ZNF608: variants seen among roughly 807,000 people sequenced by gnomAD.
ZNF608 encodes the protein zinc finger protein 608.
In ZNF608, 12 loss-of-function variants were observed where a neutral mutation model predicts 109.0. That is an observed-to-expected ratio of 0.11 (90% CI 0.07 to 0.18). ZNF608 has a LOEUF of 0.18. Ranked by LOEUF, ZNF608 falls within the 10% of genes least tolerant of loss-of-function variation. The probability of loss-of-function intolerance (pLI) is 1.00; values close to 1 mark genes in which losing one functional copy is unlikely to be tolerated. For missense variants in ZNF608, 1,707 were observed against 1,879.3 expected, an observed-to-expected ratio of 0.91 and a Z score of 1.70; for synonymous variants, 732 against 717.4, an observed-to-expected ratio of 1.02 and a Z score of -0.33.
intron 2 of ZNF608, among the ~76,000 whole-genome samples, chr5:124,727,924 A>G (rs2149888339): frequency 6.6e-6 from 1 of 152,150 alleles, no homozygotes; most frequent in South Asian, 2.1e-4. Context: ...TTTTTAGTAG[A>G]GACAGGGTTT....
chr5:124,726,912 A>G (rs1395119338), intron 2 of ZNF608, among the ~76,000 whole-genome samples: 1 of 152,228 alleles, frequency 6.6e-6, no homozygotes, highest in South Asian at 2.1e-4. Context: ...ACAAAAAAAA[A>G]GTGCAAACAT....
intron 3 of ZNF608, among the ~76,000 whole-genome samples, chr5:124,673,566 CT>C (rs143413927): frequency 0.31 from 46,752 of 151,378 alleles, 8,072 homozygotes; most frequent in African/African-American, 0.47. Context: ...AGCTTTTCAT[CT>C]TTTTTTTTGT....
chr5:124,676,443 GCAGA>G (rs1751949940), intron 3 of ZNF608, among the ~76,000 whole-genome samples: 2 of 152,194 alleles, frequency 1.3e-5, no homozygotes, highest in South Asian at 4.1e-4. Flanking sequence ...GCTATTAAGA[GCAGA>G]CAAACAAAGC....
chr5:124,652,489 T>C (rs979307088), intron 3 of ZNF608, among the ~76,000 whole-genome samples: 1 of 152,228 alleles, frequency 6.6e-6, no homozygotes, highest in African/African-American at 2.4e-5. Context: ...TACGAGCCGC[T>C]TCACAATGCC....
At chr5:124,652,914 T>C (rs935348839) in intron 3 of ZNF608, among the ~76,000 whole-genome samples, 2 of 152,260 alleles carry the variant, frequency 1.3e-5, no homozygotes, top group African/African-American at 2.4e-5. Flanking sequence ...TGTACACTTA[T>C]TCCAGAAAGA....
At position 124,670,813 on chromosome 5, in the gene ZNF608, G is replaced by A. The variant is rs531307487; in HGVS notation, c.1163-21116C>T. 1.6e-4 allele frequency among the ~76,000 whole-genome samples: 24 copies of A among 152,338 alleles called. 2 individuals carry two copies. The South Asian group carries it at 4.8e-3, about 30-fold the overall frequency. On this transcript the variant is annotated intron_variant, in intron 3 of 9. Coordinates refer to ENST00000513986, the MANE Select transcript of ZNF608 (RefSeq NM_020747.3). ...AACAATTCAGCAAAAAGTGACAGCA[G>A]AGCAACCACTGGGTCAGCCCTTATA...
intron 3 of ZNF608, among the ~76,000 whole-genome samples, chr5:124,698,519 C>T (rs1266792152): frequency 6.6e-6 from 1 of 152,178 alleles, no homozygotes; most frequent in Non-Finnish European, 1.5e-5. Flanking sequence ...CTGCCAACAG[C>T]CTGAAAACCT....
Position 124,697,224 on chromosome 5 carries a change from C to CA in ZNF608, c.1162+3789dup, listed in dbSNP as rs5871099. 3.3e-3 allele frequency among the ~76,000 whole-genome samples: 371 copies of CA among 111,592 alleles called. 2 individuals are homozygous for CA. Among genetic ancestry groups the CA allele is most frequent in the Admixed American group, 7.3e-3 (83 of 11,318 alleles). The allele number at this position is 111,592 out of a possible 152,430, so 73.2% of individuals were successfully genotyped here. On this transcript the variant is annotated intron_variant, in intron 3 of 9. Transcript: ENST00000513986. Reference sequence around the variant, plus strand: ...AACCAAGTATGTTCTCAGGTAAGGCCAAAAAAAAAAAAAAAAGCCAATAAG... The same window carrying CA: ...AACCAAGTATGTTCTCAGGTAAGGCCAAAAAAAAAAAAAAAAAGCCAATAAG...
At chr5:124,709,661 A>G (rs1239460926) in intron 2 of ZNF608, among the ~76,000 whole-genome samples, 1 of 152,208 alleles carries the variant, frequency 6.6e-6, no homozygotes, top group African/African-American at 2.4e-5. Flanking sequence ...AATCTGTTTC[A>G]AAAGTGCCGC....
Position 124,644,559 on chromosome 5 carries a change from T to G in ZNF608, c.3808A>C (p.Ser1270Arg). 6.2e-7 allele frequency: 1 copy of G among 1,614,138 alleles called. No homozygotes were observed. Among genetic ancestry groups the G allele is most frequent in the Non-Finnish European group, 8.5e-7 (1 of 1,180,010 alleles). Residue 1270 changes from serine (S) to arginine (R), a missense_variant, in exon 6 of 10, where the codon AGT (serine) becomes CGT (arginine). By Grantham distance (110) the Ser-to-Arg change is moderately radical. This residue lies in a region of ZNF608 where 1,073 missense variants were observed against 1,133.5 expected (regional missense o/e 0.95). Coordinates refer to ENST00000513986, the MANE Select transcript of ZNF608 (RefSeq NM_020747.3). ...LDREKKLKEDSPRKTPNKESG... is the reference protein window; with the variant it reads ...LDREKKLKEDRPRKTPNKESG... ...TCTTTATTAGGAGTTTTCCTCGGAC[T>G]ATCCTCTTTTAATTTCTTCTCTCTA...
chr5:124,652,213 C>T (rs1053492536), intron 3 of ZNF608, among the ~76,000 whole-genome samples: 3 of 152,246 alleles, frequency 2.0e-5, no homozygotes, highest in Non-Finnish European at 2.9e-5. Context: ...ACATCTCCTG[C>T]TGCTCTTTCT....
intron 2 of ZNF608, among the ~76,000 whole-genome samples, chr5:124,723,124 C>G (rs1754000753): frequency 6.6e-6 from 1 of 151,652 alleles, no homozygotes; most frequent in Non-Finnish European, 1.5e-5. Flanking sequence ...TCCGCCTCCC[C>G]AGTTCAAGCA....
chr5:124,727,669 A>AT (rs1211361716), intron 2 of ZNF608, among the ~76,000 whole-genome samples: 3 of 149,310 alleles, frequency 2.0e-5, no homozygotes, highest in African/African-American at 7.3e-5. Flanking sequence ...AAAAAAAAAA[A>AT]ACCACACACA....
At position 124,637,812 on chromosome 5, in the gene ZNF608, A is replaced by G; in HGVS notation, c.*88T>C. ...ACTGGTTTTTGCCTGCCATTAAGGC[A>G]TTTCAAATTAACACCATGGAACTGA... On this transcript the variant is annotated 3_prime_UTR_variant, in exon 10 of 10. Transcript: ENST00000513986. 1 of 1,419,124 alleles carries G rather than the reference A, an allele frequency of 7.0e-7. No individual in the cohort carries two copies. Among genetic ancestry groups the G allele is most frequent in the Non-Finnish European group, 9.7e-7 (1 of 1,029,454 alleles). The allele number at this position is 1,419,124 out of a possible 1,614,324, so 87.9% of individuals were successfully genotyped here.
At chr5:124,743,970 C>T (rs1432308386) in intron 2 of ZNF608, 114 bp downstream of exon 2, 1 of 1,432,598 alleles carries the variant, frequency 7.0e-7, no homozygotes, top group Non-Finnish European at 9.3e-7. Context: ...TCATAGAAAT[C>T]TCACAAAGAA....
rs78663347 is a variant in ZNF608 at position 124,645,689 on chromosome 5, G to A, written c.3705+990C>T. ...GTGCTAGTACATTTGTGGTTTCGTG[G>A]TGACCAATTTTCAGGTGTTCTCAAG... On this transcript the variant is annotated intron_variant, in intron 5 of 9. Transcript: ENST00000513986. 5.0e-3 allele frequency among the ~76,000 whole-genome samples: 761 copies of A among 152,222 alleles called. 2 individuals carry two copies. The highest frequency in any genetic ancestry group is 0.014 in the Middle Eastern group (4 of 294).
rs184079143 is a variant in ZNF608, at chr5:124,641,206, T to A, written c.4450+46A>T. ...TGAAATGCAATTTTAGCAACTGTTT[T>A]CCAAAGCAGAATGGACAAAGACACA... On this transcript the variant is annotated intron_variant, in intron 8 of 9. Coordinates refer to ENST00000513986, the MANE Select transcript of ZNF608 (RefSeq NM_020747.3). 6 of 1,611,084 alleles carry A rather than the reference T, an allele frequency of 3.7e-6. No homozygotes were observed. The East Asian group carries it at 1.3e-4, about 36-fold the overall frequency.
In ZNF608 at chr5:124,649,143, C is replaced by A; in HGVS notation, c.1251-10G>T. ...CGGTGACTCACAAAACCTATGGAAG[C>A]AAGTAACAGATGTGAAAATGAGCAT... On this transcript the variant is annotated splice_polypyrimidine_tract_variant and intron_variant, in intron 4 of 9. Coordinates refer to ENST00000513986, the MANE Select transcript of ZNF608 (RefSeq NM_020747.3). 6.5e-7 allele frequency: 1 copy of A among 1,540,128 alleles called. No homozygotes were observed. The highest frequency in any genetic ancestry group is 8.7e-7 in the Non-Finnish European group (1 of 1,148,314).
At chr5:124,657,453 A>G (rs180697095) in intron 3 of ZNF608, among the ~76,000 whole-genome samples, 112 of 152,264 alleles carry the variant, frequency 7.4e-4, no homozygotes, top group African/African-American at 2.7e-3. Context: ...CGAGGTCAGG[A>G]GATCGAGACC....
Sources: gnomAD v4.1 joint callset for allele counts (sites outside exome capture counted in the v4.1 genomes callset) on GRCh38, gnomAD v4.1.1 for gene constraint, gnomAD v4.1.1 regional missense constraint, MANE v1.5 for transcripts, NCBI Gene and HGNC (gene_info 2026-07-23, HGNC 2026-07-21) for gene names.